The following C12orf56 variants were observed in gnomAD, a reference collection of about 807,000 sequenced individuals.
C12orf56 encodes the protein uncharacterized protein C12orf56.
In C12orf56, 71 loss-of-function variants were observed where a neutral mutation model predicts 69.9. The observed-to-expected ratio is 1.02, with a 90% CI of 0.84 to 1.24. C12orf56 has a LOEUF of 1.24. Ranked by LOEUF, C12orf56 falls within the 50% of genes most tolerant of loss-of-function variation. C12orf56 has a pLI of 0.00. For missense variants in C12orf56, 732 were observed against 738.5 expected (o/e 0.99, Z 0.10); for synonymous variants, 276 against 274.1 (o/e 1.01, Z -0.07).
At chr12:64,293,022 C>T (rs562395633) in intron 6 of C12orf56, among the ~76,000 whole-genome samples, 53 of 151,934 alleles carry the variant, frequency 3.5e-4, no homozygotes, top group African/African-American at 1.2e-3. Flanking sequence ...GGCGTAGGAC[C>T]CTCCGAGCCA....
At chr12:64,374,152 C>G (rs2039609555) in intron 1 of C12orf56, among the ~76,000 whole-genome samples, 1 of 152,076 alleles carries the variant, frequency 6.6e-6, no homozygotes. Context: ...CTACAAATTC[C>G]CAAAAGAATT....
chr12:64,338,916 T>G (rs904469261), intron 2 of C12orf56: 7 of 539,240 alleles, frequency 1.3e-5, no homozygotes, highest in Non-Finnish European at 2.4e-5. Context: ...TTGAGAACAT[T>G]TTTATCAATA....
At chr12:64,271,820 C>A (rs1232313965) in intron 11 of C12orf56, among the ~76,000 whole-genome samples, 2 of 152,214 alleles carry the variant, frequency 1.3e-5, no homozygotes, top group Admixed American at 1.3e-4. Context: ...ACTTTTCTAG[C>A]ACCTTTCTCT....
At chr12:64,271,183 C>T (rs2037985688) in intron 11 of C12orf56, among the ~76,000 whole-genome samples, 1 of 148,538 alleles carries the variant, frequency 6.7e-6, no homozygotes, top group Non-Finnish European at 1.5e-5. Flanking sequence ...GTATAAGAGG[C>T]CAGGTCGGGC....
intron 6 of C12orf56, among the ~76,000 whole-genome samples, chr12:64,303,333 T>G (rs753808643): frequency 2.7e-5 from 4 of 149,110 alleles, no homozygotes; most frequent in Non-Finnish European, 5.9e-5. Flanking sequence ...ACTGTCTATA[T>G]ATCTTGTATG....
rs1159594955 is a variant in C12orf56 at position 64,352,881 on chromosome 12, T to G, written c.415+13A>C. 2 of 1,589,196 alleles carry G rather than the reference T, an allele frequency of 1.3e-6. No homozygotes were observed. Among genetic ancestry groups the G allele is most frequent in the South Asian group, 2.3e-5 (2 of 86,858 alleles). ...TTTTGCCTTAGATCCAGAGACAGAT[T>G]GGAAGTACCTACCTTTCTTGTTGTT... On this transcript the variant is annotated intron_variant, in intron 2 of 12. Transcript: ENST00000543942.
At chr12:64,334,767 T>A (rs2038971767) in intron 2 of C12orf56, among the ~76,000 whole-genome samples, 1 of 152,186 alleles carries the variant, frequency 6.6e-6, no homozygotes, top group Non-Finnish European at 1.5e-5. Context: ...TGGTTCAGTT[T>A]AGATTTCATT....
At chr12:64,339,983 G>A (rs1476290745) in intron 2 of C12orf56, among the ~76,000 whole-genome samples, 1 of 150,354 alleles carries the variant, frequency 6.7e-6, no homozygotes, top group East Asian at 1.9e-4. Context: ...TATATATATG[G>A]ACATTTATAC....
At chr12:64,326,820 G>A (rs945072709) in intron 3 of C12orf56, among the ~76,000 whole-genome samples, 10 of 152,060 alleles carry the variant, frequency 6.6e-5, no homozygotes, top group Non-Finnish European at 1.3e-4. Context: ...GGAAGAACAA[G>A]GATACTTGCT....
At chr12:64,327,001 T>C (rs574004766) in intron 3 of C12orf56, among the ~76,000 whole-genome samples, 1 of 152,284 alleles carries the variant, frequency 6.6e-6, no homozygotes, top group East Asian at 1.9e-4. Context: ...GTTAATGTGT[T>C]ATCATGGGAA....
chr12:64,303,855 T>G (rs10878142), intron 5 of C12orf56, 76 bp from the exon 6 acceptor site: 1,087,816 of 1,432,216 alleles, frequency 0.76, 418,387 homozygotes, highest in Non-Finnish European at 0.79. Context: ...ATGATTACTG[T>G]CAGGTTTGTT....
rs796713316 is a variant in C12orf56 at position 64,293,828 on chromosome 12, G to C, written c.1114-7768C>G. On this transcript the variant is annotated intron_variant, in intron 6 of 12. Transcript: ENST00000543942. Reference sequence around the variant, plus strand: ...GAGGCAAAATGAATCTACAGTGACAGAAAGCACATCGATAGTTGCACAAGG... The same window carrying C: ...GAGGCAAAATGAATCTACAGTGACACAAAGCACATCGATAGTTGCACAAGG... 5.3e-5 allele frequency among the ~76,000 whole-genome samples: 8 copies of C among 152,332 alleles called. 1 individual carries two copies. Among genetic ancestry groups the C allele is most frequent in the African/African-American group, 1.7e-4 (7 of 41,576 alleles).
intron 1 of C12orf56, among the ~76,000 whole-genome samples, chr12:64,365,720 A>AATATATAATATATAGTTTATATAAT (rs1295719316): frequency 4.8e-5 from 7 of 144,442 alleles, no homozygotes; most frequent in Non-Finnish European, 7.5e-5. Context: ...TAGTTTATAT[A>AATATATAATATATAGTTTATATAAT]ATATATAATA....
At chr12:64,348,695 T>G (rs1329616822) in intron 2 of C12orf56, among the ~76,000 whole-genome samples, 1 of 152,208 alleles carries the variant, frequency 6.6e-6, no homozygotes, top group Non-Finnish European at 1.5e-5. Flanking sequence ...ATAATATTAA[T>G]ATATGTTCCA....
At chr12:64,285,929 C>G in intron 7 of C12orf56, 25 bp downstream of exon 7, 1 of 1,422,368 alleles carries the variant, frequency 7.0e-7, no homozygotes, top group Middle Eastern at 1.8e-4. Flanking sequence ...AAAAAAAAAT[C>G]GATGATTATC....
chr12:64,267,079 G>A lies in C12orf56; in HGVS notation c.*104C>T. 1 of 791,720 alleles carries A rather than the reference G, an allele frequency of 1.3e-6. No individual in the cohort carries two copies. The highest frequency in any genetic ancestry group is 2.0e-6 in the Non-Finnish European group (1 of 505,790). 49.0% of individuals were successfully genotyped at this position (791,720 alleles called of 1,614,324 possible). The stretch of plus-strand genomic sequence containing the variant: ...AAAATCTTTGTTTATAGGACTCAGA[G>A]ATAGCCAGATATTAAACAAATAAAA... On this transcript the variant is annotated 3_prime_UTR_variant, in exon 13 of 13. Coordinates refer to ENST00000543942, the MANE Select transcript of C12orf56 (RefSeq NM_001170633.2).
chr12:64,361,295 T>C (rs1309082047), intron 1 of C12orf56, among the ~76,000 whole-genome samples: 1 of 152,086 alleles, frequency 6.6e-6, no homozygotes, highest in African/African-American at 2.4e-5. Flanking sequence ...ATGGTAATGT[T>C]AGAGGTAATT....
chr12:64,359,039 A>G (rs1314823509), intron 1 of C12orf56, among the ~76,000 whole-genome samples: 1 of 152,178 alleles, frequency 6.6e-6, no homozygotes, highest in African/African-American at 2.4e-5. Context: ...AATGACATGT[A>G]CAGGAAGCAC....
chr12:64,351,859 G>A (rs2039226332), intron 2 of C12orf56, among the ~76,000 whole-genome samples: 1 of 89,230 alleles, frequency 1.1e-5, no homozygotes, highest in South Asian at 4.7e-4. Flanking sequence ...AGAAACCCTG[G>A]GACTCCTTTG....
Sources: allele counts gnomAD v4.1 joint callset (sites outside exome capture counted in the v4.1 genomes callset), GRCh38; gene constraint gnomAD v4.1.1; transcripts MANE v1.5; gene names NCBI Gene and HGNC (gene_info 2026-07-23, HGNC 2026-07-21).